Variants in FRMD4A observed in about 807,000 individuals in gnomAD.
FRMD4A encodes the protein FERM domain-containing protein 4A.
A neutral mutation model predicts 129.1 loss-of-function variants in FRMD4A; 29 were observed. That is an observed-to-expected ratio of 0.22 (90% CI 0.17 to 0.31). The LOEUF (loss-of-function observed/expected upper bound fraction) is 0.31. Among genes scored for constraint, FRMD4A ranks in the 10% least tolerant of loss-of-function variants. The pLI is 1.00. For synonymous variants in FRMD4A, 634 were observed against 571.6 expected, an observed-to-expected ratio of 1.11 and a Z score of -1.56; for missense variants, 1,272 against 1,375.8, an observed-to-expected ratio of 0.92 and a Z score of 1.19.
intron 2 of FRMD4A, among the ~76,000 whole-genome samples, chr10:14,103,678 C>G (rs1425802189): frequency 6.6e-6 from 1 of 152,090 alleles, no homozygotes; most frequent in African/African-American, 2.4e-5. Flanking sequence ...AAATATCAGG[C>G]TCTCATTAGT....
chr10:13,769,166 A>AT (rs1041406009), intron 6 of FRMD4A, among the ~76,000 whole-genome samples: 2 of 148,482 alleles, frequency 1.3e-5, no homozygotes, highest in African/African-American at 5.0e-5. Flanking sequence ...AATTTTTTGC[A>AT]TTTTTTAGTA....
intron 3 of FRMD4A, among the ~76,000 whole-genome samples, chr10:13,830,153 T>C (rs1489849142): frequency 6.6e-6 from 1 of 152,164 alleles, no homozygotes; most frequent in Admixed American, 6.5e-5. Flanking sequence ...AGAGAAATCA[T>C]CTAAGGCCAT....
intron 2 of FRMD4A, among the ~76,000 whole-genome samples, chr10:14,042,961 C>T (rs1446581075): frequency 4.9e-5 from 7 of 141,974 alleles, no homozygotes; most frequent in African/African-American, 1.0e-4. Context: ...AAATTCATTT[C>T]GAAACAAAAC....
rs71503097 is a variant in FRMD4A, at chr10:13,700,820, C to CTTTTTTTT, written c.975+512_975+519dup. Among the ~76,000 whole-genome samples, 64 of 44,706 alleles carry CTTTTTTTT rather than the reference C, an allele frequency of 1.4e-3. 6 individuals carry two copies. The highest frequency in any genetic ancestry group is 4.8e-3 in the African/African-American group (56 of 11,582). The allele number at this position is 44,706 out of a possible 152,430, so 29.3% of individuals were successfully genotyped here. A position where few individuals can be genotyped will look rare whatever the true frequency, so the allele number is the denominator to read the frequency against. ...CTACCTTAGGGAAACAGGGTAGTTG[C>CTTTTTTTT]TTTTTTTTTTTTTTTTTTTTTTTTT... On this transcript the variant is annotated intron_variant, in intron 14 of 24. Coordinates refer to ENST00000357447, the MANE Select transcript of FRMD4A (RefSeq NM_018027.5).
chr10:13,828,434 A>T lies in FRMD4A; in HGVS notation c.112-17526T>A, dbSNP rs554499539. 3.3e-5 allele frequency among the ~76,000 whole-genome samples: 5 copies of T among 152,266 alleles called. No homozygotes were observed. In the South Asian group the frequency reaches 1.0e-3, roughly 32 times the overall value. On this transcript the variant is annotated intron_variant, in intron 3 of 24. Coordinates refer to ENST00000357447, the MANE Select transcript of FRMD4A (RefSeq NM_018027.5). ...TGAGCTATTTCACTTAATGACTTCC[A>T]GTTCCATCCACGTTGCTGCAAAAAA...
At chr10:14,325,105 A>G (rs2132125785) in intron 2 of FRMD4A, among the ~76,000 whole-genome samples, 1 of 152,330 alleles carries the variant, frequency 6.6e-6, no homozygotes, top group East Asian at 1.9e-4. Context: ...CAACATCTGC[A>G]AACGCACTTT....
At chr10:13,934,653 C>T (rs1048276118) in intron 2 of FRMD4A, among the ~76,000 whole-genome samples, 4 of 152,070 alleles carry the variant, frequency 2.6e-5, no homozygotes, top group Admixed American at 1.3e-4. Context: ...CTTTTGCTCT[C>T]GATCTCTTGC....
chr10:14,275,917 C>T (rs561754931), intron 2 of FRMD4A, among the ~76,000 whole-genome samples: 1 of 152,254 alleles, frequency 6.6e-6, no homozygotes, highest in South Asian at 2.1e-4. Context: ...TGCATGCCTG[C>T]AGTCTCAGCT....
chr10:14,175,688 CTAATTTT>C (rs1378666681), intron 2 of FRMD4A, among the ~76,000 whole-genome samples: 2 of 152,030 alleles, frequency 1.3e-5, no homozygotes, highest in African/African-American at 4.8e-5. Context: ...CCATGCCCAA[CTAATTTT>C]TAATTTTTTT....
intron 2 of FRMD4A, among the ~76,000 whole-genome samples, chr10:14,200,714 G>T (rs1179772746): frequency 2.0e-5 from 3 of 152,144 alleles, no homozygotes; most frequent in African/African-American, 7.2e-5. Context: ...TACAGTCTGC[G>T]TGGTTCACTG....
At chr10:13,680,500 G>C (rs7913653) in intron 15 of FRMD4A, among the ~76,000 whole-genome samples, 51,506 of 151,772 alleles carry the variant, frequency 0.34, 8,809 homozygotes, top group African/African-American at 0.38. Flanking sequence ...GGCCGAGGTG[G>C]GCAGATCAGG....
At chr10:13,671,056 A>T (rs899654587) in intron 16 of FRMD4A, among the ~76,000 whole-genome samples, 14 of 152,240 alleles carry the variant, frequency 9.2e-5, no homozygotes, top group Admixed American at 2.6e-4. Flanking sequence ...AGAAAAGTGC[A>T]TAGATAAATA....
At chr10:14,241,683 TAAAAAAAAAAAAAA>T (rs71388168) in intron 2 of FRMD4A, among the ~76,000 whole-genome samples, 42 of 23,412 alleles carry the variant, frequency 1.8e-3, no homozygotes, top group African/African-American at 4.6e-3. Context: ...TTACCCTCCC[TAAAAAAAAAAAAAA>T]AAAAAAAAAA....
chr10:14,284,762 T>C (rs1028002914), intron 2 of FRMD4A, among the ~76,000 whole-genome samples: 1 of 152,242 alleles, frequency 6.6e-6, no homozygotes, highest in African/African-American at 2.4e-5. Context: ...TATGCATTGG[T>C]ATACTACTTA....
intron 2 of FRMD4A, chr10:14,074,654 T>C (rs1159551736): frequency 2.0e-5 from 3 of 152,114 alleles, no homozygotes; most frequent in African/African-American, 7.2e-5. Context: ...TAAAACTAGC[T>C]CCTCCCCCTT....
At chr10:13,827,429 T>G (rs2093719709) in intron 3 of FRMD4A, among the ~76,000 whole-genome samples, 1 of 152,198 alleles carries the variant, frequency 6.6e-6, no homozygotes, top group Non-Finnish European at 1.5e-5. Flanking sequence ...GACCTGATGT[T>G]AGACATTTAC....
At chr10:13,920,920 C>T (rs2095063248) in intron 2 of FRMD4A, among the ~76,000 whole-genome samples, 1 of 152,150 alleles carries the variant, frequency 6.6e-6, no homozygotes, top group Non-Finnish European at 1.5e-5. Flanking sequence ...CACTATGTGC[C>T]AGGCACTGCG....
chr10:13,713,946 A>AATATAT lies in FRMD4A; in HGVS notation c.760-6834_760-6833insATATAT, dbSNP rs1218204241. 8.0e-5 allele frequency among the ~76,000 whole-genome samples: 10 copies of AATATAT among 124,678 alleles called. 3 individuals carry two copies. The highest frequency in any genetic ancestry group is 2.1e-4 in the African/African-American group (7 of 33,474). The allele number at this position is 124,678 out of a possible 152,430, so 81.8% of individuals were successfully genotyped here. ...ACATATATAATATATACATATATGT[A>AATATAT]ATACACACACATATATAATATATAC... On this transcript the variant is annotated intron_variant, in intron 12 of 24. Transcript: ENST00000357447.
intron 2 of FRMD4A, among the ~76,000 whole-genome samples, chr10:13,934,829 A>G (rs1320170001): frequency 6.6e-6 from 1 of 152,218 alleles, no homozygotes; most frequent in Admixed American, 6.5e-5. Flanking sequence ...GGGCTTCTAT[A>G]ACAAAATGCC....
Sources: gnomAD v4.1 joint callset for allele counts (sites outside exome capture counted in the v4.1 genomes callset) on GRCh38, gnomAD v4.1.1 for gene constraint, MANE v1.5 for transcripts, NCBI Gene and HGNC (gene_info 2026-07-23, HGNC 2026-07-21) for gene names.